The following SLC35G5 variants were observed in gnomAD, a reference collection of about 807,000 sequenced individuals.
SLC35G5 encodes acyl-malonyl condensing enzyme 1-like 2.
SLC35G5 carries 14 observed loss-of-function variants against 17.6 expected under a neutral mutation model. The ratio of observed to expected loss-of-function variants is 0.79; its 90% CI spans 0.52 to 1.24. SLC35G5 has a LOEUF of 1.24. Among genes scored for constraint, SLC35G5 ranks in the 50% most tolerant of loss-of-function variants. SLC35G5 has a pLI of 0.00. For synonymous variants in SLC35G5, 236 were observed against 194.9 expected, an observed-to-expected ratio of 1.21 and a Z score of -1.76; for missense variants, 541 against 430.3, an observed-to-expected ratio of 1.26 and a Z score of -2.28.
At position 11,332,242 on chromosome 8, in the gene SLC35G5, G is replaced by T; in HGVS notation, c.*119G>T. Reference sequence around the variant, plus strand: ...TAATAAATCCTAGGAAAGAGTGAAAGTCTAACTTCCATAGCACATTATAAT... The same window carrying T: ...TAATAAATCCTAGGAAAGAGTGAAATTCTAACTTCCATAGCACATTATAAT... On this transcript the variant is annotated 3_prime_UTR_variant, in exon 1 of 1. Transcript: ENST00000382435. 5 of 1,209,592 alleles carry T rather than the reference G, an allele frequency of 4.1e-6. No individual in the cohort carries two copies. The highest frequency in any genetic ancestry group is 5.7e-6 in the Non-Finnish European group (5 of 882,316). 74.9% of individuals were successfully genotyped at this position (1,209,592 alleles called of 1,614,324 possible).
rs978723835 is a variant in SLC35G5, at chr8:11,331,482, C to T, written c.376C>T (p.Pro126Ser). 2 of 1,613,838 alleles carry T rather than the reference C, an allele frequency of 1.2e-6. No individual in the cohort carries two copies. Among genetic ancestry groups the T allele is most frequent in the Non-Finnish European group, 1.7e-6 (2 of 1,179,872 alleles). The stretch of plus-strand genomic sequence containing the variant: ...TGCCTACAGTGCAGTTCAGGTGGTG[C>T]CCGCTGGCAACGCTGCCACTGTTCG... ...GCAYSAVQVVPAGNAATVRKG... is the reference protein window; with the variant it reads ...GCAYSAVQVVSAGNAATVRKG... Residue 126 changes from proline (P) to serine (S), a missense_variant, in exon 1 of 1, where the codon CCC becomes TCC. Transcript: ENST00000382435.
chr8:11,331,553 T>A lies in SLC35G5; in HGVS notation c.447T>A (p.Leu149=). 6.2e-7 allele frequency: 1 copy of A among 1,613,768 alleles called. No individual in the cohort carries two copies. Among genetic ancestry groups the A allele is most frequent in the Non-Finnish European group, 8.5e-7 (1 of 1,179,848 alleles). Residue 149 remains leucine, a synonymous_variant, in exon 1 of 1, where the codon CTT becomes CTA. Coordinates refer to ENST00000382435, the MANE Select transcript of SLC35G5 (RefSeq NM_054028.2). ...GCTCCGCTGTCCTCACCCTCTGCCTTGAGAGCCAGGGTCTCGGTGGCTACG... is the reference window on the plus strand; with the variant it reads ...GCTCCGCTGTCCTCACCCTCTGCCTAGAGAGCCAGGGTCTCGGTGGCTACG... ...TVCSAVLTLC[L]ESQGLGGYEW...
chr8:11,332,290 A>G lies in SLC35G5; in HGVS notation c.*167A>G. The G allele has an allele frequency of 2.6e-6, 3 of 1,146,664 alleles. No individual in the cohort carries two copies. The Admixed American group carries it at 1.0e-4, about 39-fold the overall frequency. 71.0% of individuals were successfully genotyped at this position (1,146,664 alleles called of 1,614,324 possible). A position where few individuals can be genotyped will look rare whatever the true frequency, so the allele number is the denominator to read the frequency against. On this transcript the variant is annotated 3_prime_UTR_variant, in exon 1 of 1. Coordinates refer to ENST00000382435, the MANE Select transcript of SLC35G5 (RefSeq NM_054028.2). ...AATATTGAGATGTTCAGTTATAATA[A>G]AAATATCACAAAGCATGCAAACAAA...
At position 11,332,319 on chromosome 8, in the gene SLC35G5, G is replaced by A; in HGVS notation, c.*196G>A. 2.0e-6 allele frequency: 2 copies of A among 1,004,042 alleles called. No individual in the cohort carries two copies. The highest frequency in any genetic ancestry group is 7.1e-5 in the Admixed American group (2 of 28,198). The allele number at this position is 1,004,042 out of a possible 1,614,324, so 62.2% of individuals were successfully genotyped here. ...TATCACAAAGCATGCAAACAAATGA[G>A]AAATCTGGCTTATTTACAGGAATAA... On this transcript the variant is annotated 3_prime_UTR_variant, in exon 1 of 1. Coordinates refer to ENST00000382435, the MANE Select transcript of SLC35G5 (RefSeq NM_054028.2).
At position 11,331,151 on chromosome 8, in the gene SLC35G5, C is replaced by G. The variant is rs781133735; in HGVS notation, c.45C>G (p.His15Gln). 3.7e-6 allele frequency: 6 copies of G among 1,611,154 alleles called. No individual in the cohort carries two copies. The African/African-American group carries it at 8.0e-5, about 22-fold the overall frequency. Residue 15 changes from histidine (H) to glutamine (Q), a missense_variant, in exon 1 of 1, where the codon CAC becomes CAG. By Grantham distance (24) the His-to-Gln change is conservative. Coordinates refer to ENST00000382435, the MANE Select transcript of SLC35G5 (RefSeq NM_054028.2). ...HPYFNLPDSTHPSPPSAPPSL... is the reference protein window; with the variant it reads ...HPYFNLPDSTQPSPPSAPPSL... ...ACTTCAACCTGCCTGACTCCACACA[C>G]CCATCGCCGCCCTCCGCTCCACCCA...
chr8:11,331,125 T>C lies in SLC35G5; in HGVS notation c.19T>C (p.Tyr7His), dbSNP rs1801202404. 6.2e-7 allele frequency: 1 copy of C among 1,602,850 alleles called. No homozygotes were observed. The change falls in exon 1 of 1, where the codon TAC (tyrosine) becomes CAC (histidine). Residue 7 changes from tyrosine to histidine, a missense_variant. Tyr to His is a moderately conservative substitution (Grantham distance 83). Coordinates refer to ENST00000382435, the MANE Select transcript of SLC35G5 (RefSeq NM_054028.2). ...AGGAAAGATGGCTGGCAGTCACCCC[T>C]ACTTCAACCTGCCTGACTCCACACA... MAGSHP[Y>H]FNLPDSTHPS...
At position 11,332,241 on chromosome 8, in the gene SLC35G5, A is replaced by G. The variant is rs1801266645; in HGVS notation, c.*118A>G. The G allele has an allele frequency of 1.4e-6, 2 of 1,438,920 alleles. No homozygotes were observed. Among genetic ancestry groups the G allele is most frequent in the African/African-American group, 1.4e-5 (1 of 69,090 alleles). 89.1% of individuals were successfully genotyped at this position (1,438,920 alleles called of 1,614,324 possible). A position where few individuals can be genotyped will look rare whatever the true frequency, so the allele number is the denominator to read the frequency against. On this transcript the variant is annotated 3_prime_UTR_variant, in exon 1 of 1. Transcript: ENST00000382435. The stretch of plus-strand genomic sequence containing the variant: ...ATAATAAATCCTAGGAAAGAGTGAA[A>G]GTCTAACTTCCATAGCACATTATAA...
chr8:11,331,098 C>G lies in SLC35G5; in HGVS notation c.-9C>G, dbSNP rs1330482254. ...TGAGCCAGGAGGAGAGGAGAAAGTC[C>G]AAGGAAAGATGGCTGGCAGTCACCC... On this transcript the variant is annotated 5_prime_UTR_variant, in exon 1 of 1. Transcript: ENST00000382435. 6.3e-7 allele frequency: 1 copy of G among 1,583,544 alleles called. No homozygotes were observed. The highest frequency in any genetic ancestry group is 8.6e-7 in the Non-Finnish European group (1 of 1,165,806).
Position 11,331,725 on chromosome 8 carries a change from C to A in SLC35G5, c.619C>A (p.Leu207Ile), listed in dbSNP as rs540632334. The change falls in exon 1 of 1, where the codon CTT (leucine) becomes ATT (isoleucine). Residue 207 changes from leucine to isoleucine, a missense_variant. By Grantham distance (5) the Leu-to-Ile change is conservative (BLOSUM62 2). Transcript: ENST00000382435. ...FLGGLALSLG[L>I]LVYRSLHFPS... Reference sequence around the variant, plus strand: ...GGGAGGCCTGGCGCTGTCCCTGGGGCTTCTGGTCTATCGTTCTCTGCACTT... The same window carrying A: ...GGGAGGCCTGGCGCTGTCCCTGGGGATTCTGGTCTATCGTTCTCTGCACTT... 2.5e-6 allele frequency: 4 copies of A among 1,611,930 alleles called. No individual in the cohort carries two copies. The highest frequency in any genetic ancestry group is 2.2e-5 in the East Asian group (1 of 44,874).
chr8:11,331,098 C>T lies in SLC35G5; in HGVS notation c.-9C>T. 2.5e-6 allele frequency: 4 copies of T among 1,583,664 alleles called. No homozygotes were observed. The highest frequency in any genetic ancestry group is 2.6e-6 in the Non-Finnish European group (3 of 1,165,800). ...TGAGCCAGGAGGAGAGGAGAAAGTC[C>T]AAGGAAAGATGGCTGGCAGTCACCC... On this transcript the variant is annotated 5_prime_UTR_variant, in exon 1 of 1. Transcript: ENST00000382435.
rs1801197572 is a variant in SLC35G5, at chr8:11,331,028, C to G, written c.-79C>G. The G allele has an allele frequency of 1.3e-6, 2 of 1,518,330 alleles. No individual in the cohort carries two copies. The highest frequency in any genetic ancestry group is 2.3e-5 in the Admixed American group (1 of 43,324). The allele number at this position is 1,518,330 out of a possible 1,614,324, so 94.1% of individuals were successfully genotyped here. A position where few individuals can be genotyped will look rare whatever the true frequency, so the allele number is the denominator to read the frequency against. ...TCCAGGGAAGAACCCCACCCGCACT[C>G]CAATGAGGTCACAATGGCTGGAGCT... is the stretch of plus-strand genomic sequence containing the variant. On this transcript the variant is annotated 5_prime_UTR_variant, in exon 1 of 1. Coordinates refer to ENST00000382435, the MANE Select transcript of SLC35G5 (RefSeq NM_054028.2).
In SLC35G5 at chr8:11,332,291, A is replaced by G. The variant is rs1801268230; in HGVS notation, c.*168A>G. ...ATATTGAGATGTTCAGTTATAATAA[A>G]AATATCACAAAGCATGCAAACAAAT... is the stretch of plus-strand genomic sequence containing the variant. On this transcript the variant is annotated 3_prime_UTR_variant, in exon 1 of 1. Coordinates refer to ENST00000382435, the MANE Select transcript of SLC35G5 (RefSeq NM_054028.2). 1.7e-6 allele frequency: 2 copies of G among 1,150,914 alleles called. No individual in the cohort carries two copies. Among genetic ancestry groups the G allele is most frequent in the African/African-American group, 1.6e-5 (1 of 63,026 alleles). The allele number at this position is 1,150,914 out of a possible 1,614,324, so 71.3% of individuals were successfully genotyped here.
rs369911478 is a variant in SLC35G5, at chr8:11,331,476, G to A, written c.370G>A (p.Val124Met). 123 of 1,613,838 alleles carry A rather than the reference G, an allele frequency of 7.6e-5. No homozygotes were observed. The highest frequency in any genetic ancestry group is 9.1e-5 in the Non-Finnish European group (107 of 1,179,878). The change falls in exon 1 of 1, where the codon GTG (valine) becomes ATG (methionine). Residue 124 changes from valine (V) to methionine (M), a missense_variant. Physicochemically the swap from Val to Met is conservative, Grantham distance 21. Transcript: ENST00000382435. ...SIGCAYSAVQ[V>M]VPAGNAATVR... ...TGGATGTGCCTACAGTGCAGTTCAG[G>A]TGGTGCCCGCTGGCAACGCTGCCAC...
chr8:11,331,229 G>A lies in SLC35G5; in HGVS notation c.123G>A (p.Leu41=), dbSNP rs1382514129. The stretch of plus-strand genomic sequence containing the variant: ...CCTCTGGTGCCACCAATGGCCTGCT[G>A]GTGGCCCTGCTGGGTGGGGGCCTGC... ...CQPSGATNGL[L]VALLGGGLPA... is the part of the protein sequence containing the mutation. The change falls in exon 1 of 1, where the codon CTG becomes CTA. Residue 41 remains leucine, a synonymous_variant. Coordinates refer to ENST00000382435, the MANE Select transcript of SLC35G5 (RefSeq NM_054028.2). 1.9e-6 allele frequency: 3 copies of A among 1,613,842 alleles called. No homozygotes were observed. The highest frequency in any genetic ancestry group is 2.2e-5 in the East Asian group (1 of 44,886).
In SLC35G5 at chr8:11,331,783, C is replaced by T. The variant is rs767437851; in HGVS notation, c.677C>T (p.Ser226Phe). ...TGCCTCCCAACAGTGGCCTTCCTAT[C>T]TGGCTTGGTGGGGCTGCTGGGCTGT... ...PSCLPTVAFL[S>F]GLVGLLGCVP... Residue 226 changes from serine to phenylalanine, a missense_variant, in exon 1 of 1, where the codon TCT becomes TTT. Ser to Phe is a radical substitution (Grantham distance 155). Transcript: ENST00000382435. 3 of 1,611,712 alleles carry T rather than the reference C, an allele frequency of 1.9e-6. No homozygotes were observed. The highest frequency in any genetic ancestry group is 2.5e-6 in the Non-Finnish European group (3 of 1,179,704).
Position 11,331,261 on chromosome 8 carries a change from G to A in SLC35G5, c.155G>A (p.Gly52Asp). ...CTGCTGGGTGGGGGCCTGCCTGCTG[G>A]CTTCGTGGGCCCCCTTTCTCGTATG... ...VALLGGGLPA[G>D]FVGPLSRMAY... Residue 52 changes from glycine to aspartate, a missense_variant, in exon 1 of 1, where the codon GGC (glycine) becomes GAC (aspartate). By Grantham distance (94) the Gly-to-Asp change is moderately conservative. Coordinates refer to ENST00000382435, the MANE Select transcript of SLC35G5 (RefSeq NM_054028.2). 6.2e-7 allele frequency: 1 copy of A among 1,613,938 alleles called. No individual in the cohort carries two copies. The highest frequency in any genetic ancestry group is 8.5e-7 in the Non-Finnish European group (1 of 1,179,952).
rs1390852819 is a variant in SLC35G5 at position 11,331,304 on chromosome 8, C to G, written c.198C>G (p.Asn66Lys). The change falls in exon 1 of 1, where the codon AAC becomes AAG. Residue 66 changes from asparagine (N) to lysine (K), a missense_variant. Asn to Lys is a moderately conservative substitution (Grantham distance 94). Transcript: ENST00000382435. ...PLSRMAYQGSNLPSLELLICR... is the reference protein window; with the variant it reads ...PLSRMAYQGSKLPSLELLICR... ...CTCGTATGGCTTACCAGGGTTCCAA[C>G]CTGCCCTCGCTGGAGCTGCTCATCT... 1 of 1,614,016 alleles carries G rather than the reference C, an allele frequency of 6.2e-7. No homozygotes were observed. The highest frequency in any genetic ancestry group is 1.7e-5 in the Admixed American group (1 of 60,022).
rs1801260293 is a variant in SLC35G5, at chr8:11,332,135, G to A, written c.*12G>A. The stretch of plus-strand genomic sequence containing the variant: ...AGGTGGAGGAGTGAGATAGAACTTG[G>A]GAGCCCGGGGGTTGGGAGGGACAGG... On this transcript the variant is annotated 3_prime_UTR_variant, in exon 1 of 1. Coordinates refer to ENST00000382435, the MANE Select transcript of SLC35G5 (RefSeq NM_054028.2). 1.9e-6 allele frequency: 3 copies of A among 1,611,702 alleles called. No individual in the cohort carries two copies. The South Asian group carries it at 3.3e-5, about 18-fold the overall frequency.
Position 11,331,382 on chromosome 8 carries a change from C to T in SLC35G5, c.276C>T (p.Asp92=). 2.5e-6 allele frequency: 4 copies of T among 1,613,960 alleles called. No individual in the cohort carries two copies. The highest frequency in any genetic ancestry group is 8.5e-7 in the Non-Finnish European group (1 of 1,179,810). The part of the protein sequence containing the change: ...PIALLLKLRG[D]PLLGPPDIRG... ...CCCTGCTACTTAAACTGCGTGGCGA[C>T]CCCCTTCTGGGACCTCCTGACATCC... is the stretch of plus-strand genomic sequence containing the variant. The change falls in exon 1 of 1, where the codon GAC becomes GAT. Residue 92 remains aspartate, a synonymous_variant. Transcript: ENST00000382435.
Sources: gnomAD v4.1 joint callset for allele counts on GRCh38, gnomAD v4.1.1 for gene constraint, MANE v1.5 for transcripts, NCBI Gene and HGNC (gene_info 2026-07-23, HGNC 2026-07-21) for gene names.